Variants in SKI observed in about 807,000 individuals in gnomAD.
SKI encodes the protein SKI proto-oncogene.
A neutral mutation model predicts 59.3 loss-of-function variants in SKI; 23 were observed. That is an observed-to-expected ratio of 0.39 (90% CI 0.28 to 0.55). The LOEUF (loss-of-function observed/expected upper bound fraction) is 0.55. Ranked by LOEUF, SKI falls within the 20% of genes least tolerant of loss-of-function variation. SKI has a pLI of 0.67. For missense variants in SKI, 1,017 were observed against 1,038.9 expected (o/e 0.98, Z 0.29); for synonymous variants, 673 against 488.6 (o/e 1.38, Z -4.98).
At chr1:2,239,384 G>A (rs1202077226) in intron 1 of SKI, among the ~76,000 whole-genome samples, 1 of 152,220 alleles carries the variant, frequency 6.6e-6, no homozygotes, top group Non-Finnish European at 1.5e-5. Context: ...TTGCCTCTGT[G>A]TGGCTCTTCG....
intron 1 of SKI, among the ~76,000 whole-genome samples, chr1:2,276,179 C>G (rs1639738804): frequency 6.6e-6 from 1 of 152,170 alleles, no homozygotes; most frequent in African/African-American, 2.4e-5. Flanking sequence ...CCACATTTCC[C>G]AAAAAGAAGT....
At chr1:2,273,365 G>A (rs922713664) in intron 1 of SKI, among the ~76,000 whole-genome samples, 4 of 152,290 alleles carry the variant, frequency 2.6e-5, no homozygotes, top group Admixed American at 6.5e-5. Flanking sequence ...AGCAGCTGTG[G>A]GGTCCCTATC....
Position 2,306,836 on chromosome 1 carries a change from C to A in SKI, c.*71C>A. The A allele has an allele frequency of 9.6e-7, 1 of 1,041,098 alleles. No individual in the cohort carries two copies. The highest frequency in any genetic ancestry group is 1.3e-6 in the Non-Finnish European group (1 of 798,086). The allele number at this position is 1,041,098 out of a possible 1,614,324, so 64.5% of individuals were successfully genotyped here. A position where few individuals can be genotyped will look rare whatever the true frequency, so the allele number is the denominator to read the frequency against. ...GGGGCGCGGCTGGGCGGTGCAGCTC[C>A]GCCCGGCTCCGCCCCTGCAGCCCAC... On this transcript the variant is annotated 3_prime_UTR_variant, in exon 7 of 7. Coordinates refer to ENST00000378536, the MANE Select transcript of SKI (RefSeq NM_003036.4).
At chr1:2,264,376 C>T (rs537365970) in intron 1 of SKI, among the ~76,000 whole-genome samples, 3 of 152,098 alleles carry the variant, frequency 2.0e-5, no homozygotes, top group South Asian at 2.1e-4. Flanking sequence ...TCAAGTGATT[C>T]TCATGCCTCA....
In SKI at chr1:2,303,556, G is replaced by A. The variant is rs184322826; in HGVS notation, c.1211+156G>A. The A allele has an allele frequency of 5.2e-3, 3,824 of 729,610 alleles. 48 individuals are homozygous for A. The highest frequency in any genetic ancestry group is 0.023 in the South Asian group (1,334 of 58,230). The allele number at this position is 729,610 out of a possible 1,614,324, so 45.2% of individuals were successfully genotyped here. The stretch of plus-strand genomic sequence containing the variant: ...TGTTGGTTCCTTTGGCTGGCATCAG[G>A]GAGAGCACACCTAGAGCGTTCCCTG... On this transcript the variant is annotated intron_variant, in intron 3 of 6. Coordinates refer to ENST00000378536, the MANE Select transcript of SKI (RefSeq NM_003036.4). The surrounding 1 kb of genome is among the most constrained non-coding windows in gnomAD (Gnocchi z 5.6).
chr1:2,234,428 C>T (rs1447373781), intron 1 of SKI, among the ~76,000 whole-genome samples: 1 of 152,224 alleles, frequency 6.6e-6, no homozygotes, highest in Non-Finnish European at 1.5e-5. Context: ...TGTTTCTCAG[C>T]CGTCCCTGCG....
intron 1 of SKI, among the ~76,000 whole-genome samples, chr1:2,245,223 A>G (rs1638966879): frequency 6.6e-6 from 1 of 151,868 alleles, no homozygotes; most frequent in South Asian, 2.1e-4. Flanking sequence ...ACTCAGCACC[A>G]TGTCCTCAAG....
chr1:2,276,911 G>A (rs1363550522), intron 1 of SKI, among the ~76,000 whole-genome samples: 2 of 152,170 alleles, frequency 1.3e-5, no homozygotes, highest in African/African-American at 4.8e-5. Context: ...CCCCTGATGC[G>A]TTTGTTTTGG....
rs7521756 is a variant in SKI at position 2,269,868 on chromosome 1, C to A, written c.970-33110C>A. On this transcript the variant is annotated intron_variant, in intron 1 of 6. Coordinates refer to ENST00000378536, the MANE Select transcript of SKI (RefSeq NM_003036.4). This position sits in a 1 kb window ranked among gnomAD's most constrained non-coding sequence, Gnocchi z 4.7. ...CGGGTCTGGTGGTGCCTGTGGCTGGCGTGGGTCTGGCGGGTCTCGTGGTGC... is the reference window on the plus strand; with the variant it reads ...CGGGTCTGGTGGTGCCTGTGGCTGGAGTGGGTCTGGCGGGTCTCGTGGTGC... Among the ~76,000 whole-genome samples, 105 of 43,386 alleles carry A rather than the reference C, an allele frequency of 2.4e-3. 1 individual carries two copies. Among genetic ancestry groups the A allele is most frequent in the East Asian group, 0.015 (17 of 1,116 alleles). The allele number at this position is 43,386 out of a possible 152,430, so 28.5% of individuals were successfully genotyped here. A position where few individuals can be genotyped will look rare whatever the true frequency, so the allele number is the denominator to read the frequency against.
rs1377930715 is a variant in SKI, at chr1:2,306,034, A to G, written c.1782A>G (p.Leu594=). The stretch of plus-strand genomic sequence containing the variant: ...CCGGCCCCCAGGAGCTGGAGTTCCT[A>G]CGCGTGGCCAAGAAGGAGAAGCTGC... ...KRSLHQELEF[L]RVAKKEKLRE... Residue 594 remains leucine, a synonymous_variant, in exon 6 of 7, where the codon CTA becomes CTG. Coordinates refer to ENST00000378536, the MANE Select transcript of SKI (RefSeq NM_003036.4). 3.2e-6 allele frequency: 5 copies of G among 1,585,112 alleles called. No homozygotes were observed. The highest frequency in any genetic ancestry group is 1.8e-5 in the Admixed American group (1 of 54,538).
intron 1 of SKI, among the ~76,000 whole-genome samples, chr1:2,297,984 T>C (rs1024677462): frequency 1.3e-5 from 2 of 152,190 alleles, no homozygotes; most frequent in Admixed American, 6.5e-5. Flanking sequence ...AGCCGCAAGC[T>C]GTGGGTCCAT....
intron 1 of SKI, among the ~76,000 whole-genome samples, chr1:2,280,639 TTCA>T (rs1639857762): frequency 7.4e-6 from 1 of 134,378 alleles, no homozygotes; most frequent in African/African-American, 2.8e-5. Flanking sequence ...GGCGGCGATC[TTCA>T]GAGAGAGGAC....
At chr1:2,260,865 C>T (rs879911088) in intron 1 of SKI, among the ~76,000 whole-genome samples, 4 of 152,104 alleles carry the variant, frequency 2.6e-5, no homozygotes, top group Non-Finnish European at 4.4e-5. Context: ...GTTTGGACTT[C>T]GGTTTCCTAG....
chr1:2,228,667 T>A lies in SKI; in HGVS notation c.-100T>A, dbSNP rs948133804. 1 of 596,740 alleles carries A rather than the reference T, an allele frequency of 1.7e-6. No individual in the cohort carries two copies. The highest frequency in any genetic ancestry group is 2.1e-6 in the Non-Finnish European group (1 of 484,224). The allele number at this position is 596,740 out of a possible 1,614,324, so 37.0% of individuals were successfully genotyped here. ...AGCCGGCGGCGGGGGGCGGCCGGGG[T>A]CGGGGCCGCGGGCGCCGCCGGGGCG... is the stretch of plus-strand genomic sequence containing the variant. On this transcript the variant is annotated 5_prime_UTR_variant, in exon 1 of 7. Coordinates refer to ENST00000378536, the MANE Select transcript of SKI (RefSeq NM_003036.4).
At position 2,308,164 on chromosome 1, in the gene SKI, A is replaced by T. The variant is rs1388693910; in HGVS notation, c.*1399A>T. The T allele has an allele frequency of 1.3e-5, 2 of 152,256 alleles. No homozygotes were observed. Among genetic ancestry groups the T allele is most frequent in the African/African-American group, 4.8e-5 (2 of 41,464 alleles). 9.4% of individuals were successfully genotyped at this position (152,256 alleles called of 1,614,324 possible). On this transcript the variant is annotated 3_prime_UTR_variant, in exon 7 of 7. Transcript: ENST00000378536. ...AGTTACGGTATTTATTTACATAAGA[A>T]GATCTTACAGGAGTTCTTTGCTTGA...
rs991287835 is a variant in SKI at position 2,303,528 on chromosome 1, C to T, written c.1211+128C>T. ...TGCCGCCTTTTGGTCAGGGCAGTCT[C>T]GGTGTTGGTTCCTTTGGCTGGCATC... is the stretch of plus-strand genomic sequence containing the variant. On this transcript the variant is annotated intron_variant, in intron 3 of 6. Coordinates refer to ENST00000378536, the MANE Select transcript of SKI (RefSeq NM_003036.4). This position sits in a 1 kb window ranked among gnomAD's most constrained non-coding sequence, Gnocchi z 5.6. The T allele has an allele frequency of 4.5e-5, 38 of 840,126 alleles. No homozygotes were observed. The highest frequency in any genetic ancestry group is 1.8e-4 in the East Asian group (7 of 39,142). The allele number at this position is 840,126 out of a possible 1,614,324, so 52.0% of individuals were successfully genotyped here.
intron 1 of SKI, among the ~76,000 whole-genome samples, chr1:2,293,135 G>C (rs1446263018): frequency 6.6e-6 from 1 of 152,240 alleles, no homozygotes; most frequent in African/African-American, 2.4e-5. Flanking sequence ...AGTAGGGCTC[G>C]GGCCTGAGCG....
Position 2,240,535 on chromosome 1 carries a change from G to T in SKI, c.969+10800G>T, listed in dbSNP as rs914395577. On this transcript the variant is annotated intron_variant, in intron 1 of 6. Coordinates refer to ENST00000378536, the MANE Select transcript of SKI (RefSeq NM_003036.4). Reference sequence around the variant, plus strand: ...GGCTGGTTGTGGGGCAAGGCTGCGGGACTGGGACCGCTGGCTTCCTGGGGC... The same window carrying T: ...GGCTGGTTGTGGGGCAAGGCTGCGGTACTGGGACCGCTGGCTTCCTGGGGC... 4 of 985,346 alleles carry T rather than the reference G, an allele frequency of 4.1e-6. No individual in the cohort carries two copies. In the African/African-American group the frequency reaches 7.0e-5, roughly 17 times the overall value. 61.0% of individuals were successfully genotyped at this position (985,346 alleles called of 1,614,324 possible). A position where few individuals can be genotyped will look rare whatever the true frequency, so the allele number is the denominator to read the frequency against.
In SKI at chr1:2,229,403, C is replaced by T. The variant is rs777216862; in HGVS notation, c.637C>T (p.Leu213Phe). Reference sequence around the variant, plus strand: ...CGCCAGCCTGGCGCTGGGCCTGGAGCTCAGCGAGCGCAGCGTCCGCGTGTA... The same window carrying T: ...CGCCAGCCTGGCGCTGGGCCTGGAGTTCAGCGAGCGCAGCGTCCGCGTGTA... ...LAASLALGLE[L>F]SERSVRVYHE... is the part of the protein sequence containing the mutation. Residue 213 changes from leucine (L) to phenylalanine (F), a missense_variant, in exon 1 of 7, where the codon CTC (leucine) becomes TTC (phenylalanine). Transcript: ENST00000378536. The surrounding 1 kb of genome is among the most constrained non-coding windows in gnomAD (Gnocchi z 6.3). 5 of 1,609,010 alleles carry T rather than the reference C, an allele frequency of 3.1e-6. No homozygotes were observed. Among genetic ancestry groups the T allele is most frequent in the Non-Finnish European group, 3.4e-6 (4 of 1,178,092 alleles).
Sources: gnomAD v4.1 joint callset for allele counts (sites outside exome capture counted in the v4.1 genomes callset) on GRCh38, gnomAD v4.1.1 for gene constraint, Gnocchi (gnomAD v3.1) non-coding constraint, MANE v1.5 for transcripts, NCBI Gene and HGNC (gene_info 2026-07-23, HGNC 2026-07-21) for gene names.